The following EXD3 variants were observed in gnomAD, a reference collection of about 807,000 sequenced individuals.
EXD3 encodes the protein exonuclease 3'-5' domain containing 3.
Under a neutral mutation model 98.0 loss-of-function variants are expected in EXD3, and 92 were observed. The observed-to-expected ratio is 0.94, with a 90% confidence interval of 0.79 to 1.12. The LOEUF is 1.12. Ranked by LOEUF, EXD3 falls within the 50% of genes most tolerant of loss-of-function variation. The pLI, the probability that EXD3 is intolerant of heterozygous loss-of-function variation, is 0.00. For missense variants in EXD3, 1,222 were observed against 1,191.6 expected, an observed-to-expected ratio of 1.03 and a Z score of -0.38; for synonymous variants, 569 against 526.0, an observed-to-expected ratio of 1.08 and a Z score of -1.12.
At chr9:137,409,009 C>T (rs1262649063) in intron 1 of EXD3, among the ~76,000 whole-genome samples, 1 of 152,238 alleles carries the variant, frequency 6.6e-6, no homozygotes, top group Non-Finnish European at 1.5e-5. Flanking sequence ...GGGAGGGCGG[C>T]TGCTATAATT....
intron 16 of EXD3, among the ~76,000 whole-genome samples, chr9:137,348,592 GA>G (rs1564498017): frequency 7.8e-6 from 1 of 127,736 alleles, no homozygotes; most frequent in Non-Finnish European, 1.6e-5. Context: ...GCTAGATAGA[GA>G]GGGGTGAGGA....
At chr9:137,412,873 G>A (rs538144306) in intron 1 of EXD3, among the ~76,000 whole-genome samples, 56 of 152,170 alleles carry the variant, frequency 3.7e-4, no homozygotes, top group Non-Finnish European at 1.5e-4. Flanking sequence ...AATCTCCAGG[G>A]CTCAAACGAT....
At chr9:137,420,738 C>CCA (rs1030943483) in intron 1 of EXD3, among the ~76,000 whole-genome samples, 8 of 50,850 alleles carry the variant, frequency 1.6e-4, no homozygotes, top group Non-Finnish European at 3.3e-4. Context: ...CAGACATTCA[C>CCA]CCCCCCCCCC....
intron 2 of EXD3, among the ~76,000 whole-genome samples, chr9:137,390,564 C>T (rs904108475): frequency 3.3e-5 from 5 of 152,136 alleles, no homozygotes; most frequent in Non-Finnish European, 7.3e-5. Flanking sequence ...CCGGTATTGG[C>T]GTTAGAATCA....
intron 17 of EXD3, among the ~76,000 whole-genome samples, chr9:137,330,593 A>AGCTACACAGGAG (rs1191416865): frequency 2.8e-5 from 2 of 70,718 alleles, no homozygotes; most frequent in Non-Finnish European, 6.7e-5. Flanking sequence ...ACTACACAGG[A>AGCTACACAGGAG]CTACACAGGA....
intron 3 of EXD3, among the ~76,000 whole-genome samples, chr9:137,379,146 T>C (rs111745067): frequency 3.3e-4 from 18 of 54,576 alleles, no homozygotes; most frequent in East Asian, 1.1e-3. Flanking sequence ...GTACAGGGTT[T>C]GTGGGTGACG....
intron 7 of EXD3, 88 bp downstream of exon 7, chr9:137,366,405 G>A (rs1183548155): frequency 1.9e-5 from 29 of 1,503,468 alleles, no homozygotes; most frequent in Middle Eastern, 3.4e-4. Context: ...GCTCTCCCAC[G>A]CGCCTGCTGC....
chr9:137,421,768 T>A (rs980926826), intron 1 of EXD3, among the ~76,000 whole-genome samples: 1 of 151,964 alleles, frequency 6.6e-6, no homozygotes. Flanking sequence ...AGCCCAAGAG[T>A]TCAAGGCTGC....
intron 19 of EXD3, among the ~76,000 whole-genome samples, chr9:137,311,553 G>A (rs894674717): frequency 6.6e-6 from 1 of 152,220 alleles, no homozygotes; most frequent in African/African-American, 2.4e-5. Flanking sequence ...GGCGGGGCCA[G>A]CCAGCTCGTG....
In EXD3 at chr9:137,393,170, G is replaced by A. The variant is rs752388304; in HGVS notation, c.55+2133C>T. ...TGTTCCAGGGGCCCTGCTAGCTGGG[G>A]TGTTGCACTTTGAAAACATCCCACT... On this transcript the variant is annotated intron_variant, in intron 2 of 21. Coordinates refer to ENST00000340951, the MANE Select transcript of EXD3 (RefSeq NM_017820.5). This position sits in a 1 kb window ranked among gnomAD's most constrained non-coding sequence, Gnocchi z 4.6. 2.1e-4 allele frequency: 147 copies of A among 702,536 alleles called. No homozygotes were observed. The highest frequency in any genetic ancestry group is 1.2e-3 in the East Asian group (45 of 37,296). The allele number at this position is 702,536 out of a possible 1,614,324, so 43.5% of individuals were successfully genotyped here. A position where few individuals can be genotyped will look rare whatever the true frequency, so the allele number is the denominator to read the frequency against.
At chr9:137,382,576 C>T (rs1227530264) in intron 3 of EXD3, among the ~76,000 whole-genome samples, 1 of 152,160 alleles carries the variant, frequency 6.6e-6, no homozygotes, top group Non-Finnish European at 1.5e-5. Context: ...AGCTGATGGA[C>T]AAACGAAAGC....
intron 1 of EXD3, among the ~76,000 whole-genome samples, chr9:137,400,487 C>T (rs936698597): frequency 7.9e-5 from 12 of 152,200 alleles, no homozygotes; most frequent in African/African-American, 2.2e-4. Context: ...CATTCTGGGC[C>T]GGGCATGGTG....
chr9:137,420,864 G>A (rs1319331227), intron 1 of EXD3, among the ~76,000 whole-genome samples: 1 of 152,060 alleles, frequency 6.6e-6, no homozygotes, highest in Non-Finnish European at 1.5e-5. Context: ...ACCCAGGCTG[G>A]AGTGCAGTGG....
intron 7 of EXD3, 74 bp from the exon 8 acceptor site, chr9:137,356,442 A>G: frequency 1.0e-6 from 1 of 1,002,738 alleles, no homozygotes; most frequent in Non-Finnish European, 1.5e-6. Context: ...TTTTCATCAT[A>G]GTCATATGCA....
At chr9:137,415,446 G>A (rs889358779) in intron 1 of EXD3, among the ~76,000 whole-genome samples, 2 of 151,986 alleles carry the variant, frequency 1.3e-5, no homozygotes, top group Non-Finnish European at 1.5e-5. Context: ...AGCCTGCCTC[G>A]GTCTCCTAAA....
At chr9:137,411,188 G>A (rs960721653) in intron 1 of EXD3, among the ~76,000 whole-genome samples, 1 of 152,204 alleles carries the variant, frequency 6.6e-6, no homozygotes, top group Non-Finnish European at 1.5e-5. Context: ...AGATGGAGTA[G>A]ATGATGCCGA....
At chr9:137,384,556 C>T (rs909453647) in intron 2 of EXD3, among the ~76,000 whole-genome samples, 5 of 152,198 alleles carry the variant, frequency 3.3e-5, no homozygotes, top group African/African-American at 7.2e-5. Context: ...GGCCTGGAGC[C>T]GTCCCAAGCA....
At position 137,365,600 on chromosome 9, in the gene EXD3, CAT is replaced by C. The variant is rs1835186374; in HGVS notation, c.656+891_656+892del. 7 of 150,270 alleles carry C rather than the reference CAT, an allele frequency of 4.7e-5. No homozygotes were observed. The East Asian group carries it at 6.5e-4, about 14-fold the overall frequency. 9.3% of individuals were successfully genotyped at this position (150,270 alleles called of 1,614,324 possible). A position where few individuals can be genotyped will look rare whatever the true frequency, so the allele number is the denominator to read the frequency against. On this transcript the variant is annotated intron_variant, in intron 7 of 21. Coordinates refer to ENST00000340951, the MANE Select transcript of EXD3 (RefSeq NM_017820.5). Reference sequence around the variant, plus strand: ...GCACACACAGGTACACACGCACACACATGCACACACACGCACACCTGCAGGCA... The same window carrying C: ...GCACACACAGGTACACACGCACACACGCACACACACGCACACCTGCAGGCA...
At chr9:137,309,132 A>G (rs1381701990) in intron 20 of EXD3, among the ~76,000 whole-genome samples, 1 of 152,222 alleles carries the variant, frequency 6.6e-6, no homozygotes, top group Non-Finnish European at 1.5e-5. Context: ...CTAAAACTGC[A>G]AAGTCCTTGG....
Sources: gnomAD v4.1 joint callset for allele counts (sites outside exome capture counted in the v4.1 genomes callset) on GRCh38, gnomAD v4.1.1 for gene constraint, Gnocchi (gnomAD v3.1) non-coding constraint, MANE v1.5 for transcripts, NCBI Gene and HGNC (gene_info 2026-07-23, HGNC 2026-07-21) for gene names.